VIPR1: variants seen among roughly 807,000 people sequenced by gnomAD.
VIPR1 encodes vasoactive intestinal polypeptide receptor 1.
VIPR1 carries 59 observed loss-of-function variants against 58.8 expected under a neutral mutation model. The ratio of observed to expected loss-of-function variants is 1.00; its 90% confidence interval spans 0.81 to 1.25. The LOEUF (loss-of-function observed/expected upper bound fraction) is 1.25, where lower values mean the gene tolerates loss of function less well. Ranked by LOEUF, VIPR1 falls within the 50% of genes most tolerant of loss-of-function variation. The pLI is 0.00. For synonymous variants in VIPR1, 251 were observed against 242.1 expected (o/e 1.04, Z -0.34); for missense variants, 626 against 602.7 (o/e 1.04, Z -0.40).
At chr3:42,520,057 A>G (rs1166539218) in intron 3 of VIPR1, among the ~76,000 whole-genome samples, 2 of 152,216 alleles carry the variant, frequency 1.3e-5, no homozygotes, top group African/African-American at 4.8e-5. Context: ...GAGGTTCACA[A>G]ACAGCCCCTC....
At chr3:42,506,858 A>G (rs1252329010) in intron 1 of VIPR1, 1 of 151,956 alleles carries the variant, frequency 6.6e-6, no homozygotes, top group African/African-American at 2.4e-5. Context: ...GAAGAAAAAA[A>G]CAGTTTAATC....
chr3:42,531,638 C>T, intron 8 of VIPR1, 107 bp downstream of exon 8: 6 of 1,566,662 alleles, frequency 3.8e-6, no homozygotes, highest in Non-Finnish European at 8.7e-7. Flanking sequence ...AACCACAGCT[C>T]TCGGGCCAGA....
chr3:42,502,242 G>T (rs1159707185), upstream of VIPR1: 2 of 152,876 alleles, frequency 1.3e-5, no homozygotes, highest in African/African-American at 4.8e-5. Context: ...GGGAAATGGG[G>T]AGGCTGGCGG....
rs1701584070 is a variant in VIPR1, at chr3:42,531,993, T to C, written c.918+124T>C. On this transcript the variant is annotated intron_variant, in intron 9 of 12. Transcript: ENST00000325123. The stretch of plus-strand genomic sequence containing the variant: ...TGAAACGTAGCTTCCTAATGCCCAA[T>C]GCAGGATCATCCCCACCCCTGTCCT... The C allele has an allele frequency of 3.5e-6, 4 of 1,140,376 alleles. No homozygotes were observed. In the East Asian group the frequency reaches 7.6e-5, roughly 22 times the overall value. The allele number at this position is 1,140,376 out of a possible 1,614,324, so 70.6% of individuals were successfully genotyped here. A position where few individuals can be genotyped will look rare whatever the true frequency, so the allele number is the denominator to read the frequency against.
Position 42,536,098 on chromosome 3 carries a change from G to A in VIPR1, c.1191G>A (p.Ala397=), listed in dbSNP as rs1170297081. 6 of 1,601,030 alleles carry A rather than the reference G, an allele frequency of 3.7e-6. No individual in the cohort carries two copies. In the Admixed American group the frequency reaches 6.8e-5, roughly 18 times the overall value. The change falls in exon 13 of 13, where the codon GCG becomes GCA. Residue 397 remains alanine (A), a synonymous_variant. Transcript: ENST00000325123. ...LYCFLNGEVQ[A]ELRRKWRRWH... ...ACCTTCCCCTCTCCTAGGTGCAGGC[G>A]GAGCTGAGGCGGAAGTGGCGGCGCT...
intron 3 of VIPR1, chr3:42,519,622 C>T (rs973284359): frequency 3.8e-6 from 1 of 263,336 alleles, no homozygotes; most frequent in Non-Finnish European, 7.1e-6. Flanking sequence ...GTCCTGTTGT[C>T]TTGGGCTGGT....
intron 2 of VIPR1, among the ~76,000 whole-genome samples, chr3:42,517,796 C>T (rs559862681): frequency 1.3e-5 from 2 of 152,052 alleles, no homozygotes; most frequent in South Asian, 4.2e-4. Context: ...GCCAACATGG[C>T]GAAACCCCGT....
Position 42,513,735 on chromosome 3 carries a change from G to A in VIPR1, c.79-14G>A. 6.4e-7 allele frequency: 1 copy of A among 1,551,154 alleles called. No homozygotes were observed. The highest frequency in any genetic ancestry group is 8.7e-7 in the Non-Finnish European group (1 of 1,146,772). On this transcript the variant is annotated splice_polypyrimidine_tract_variant and intron_variant, in intron 1 of 12. Coordinates refer to ENST00000325123, the MANE Select transcript of VIPR1 (RefSeq NM_004624.4). ...TGGACGAGGCTGATGGGCCCTCCCTGTCTTTGTTCTCAGGGCGGCCAGGCG... is the reference window on the plus strand; with the variant it reads ...TGGACGAGGCTGATGGGCCCTCCCTATCTTTGTTCTCAGGGCGGCCAGGCG...
chr3:42,519,610 T>C, intron 3 of VIPR1: 2 of 309,900 alleles, frequency 6.5e-6, no homozygotes, highest in African/African-American at 2.2e-5. Context: ...ATGACTCCCA[T>C]AGTCCTGTTG....
chr3:42,502,788 C>T lies in VIPR1; in HGVS notation c.53C>T (p.Ala18Val). Reference sequence around the variant, plus strand: ...CGCTGGCTATGCGTGCTGGCAGGCGCCCTCGCCTGGGCCCTTGGGCCGGCG... The same window carrying T: ...CGCTGGCTATGCGTGCTGGCAGGCGTCCTCGCCTGGGCCCTTGGGCCGGCG... ...PARWLCVLAG[A>V]LAWALGPAGG... is the part of the protein sequence containing the mutation. The change falls in exon 1 of 13, where the codon GCC (alanine) becomes GTC (valine). Residue 18 changes from alanine (A) to valine (V), a missense_variant. Coordinates refer to ENST00000325123, the MANE Select transcript of VIPR1 (RefSeq NM_004624.4). 1 of 1,283,746 alleles carries T rather than the reference C, an allele frequency of 7.8e-7. No individual in the cohort carries two copies. The highest frequency in any genetic ancestry group is 9.8e-7 in the Non-Finnish European group (1 of 1,017,330). 79.5% of individuals were successfully genotyped at this position (1,283,746 alleles called of 1,614,324 possible).
chr3:42,495,661 ACT>A (rs2125624398), intron 1 of VIPR1, among the ~76,000 whole-genome samples: 1 of 151,754 alleles, frequency 6.6e-6, no homozygotes, highest in South Asian at 2.1e-4. Context: ...TGCAGCAGAT[ACT>A]CTCTTGCTGG....
At chr3:42,535,176 T>C in intron 11 of VIPR1, 72 bp downstream of exon 11, 1 of 1,608,686 alleles carries the variant, frequency 6.2e-7, no homozygotes, top group Non-Finnish European at 8.5e-7. Flanking sequence ...TCTTGGCCCT[T>C]GCCACTGGAT....
chr3:42,518,375 C>T (rs1465424997), intron 2 of VIPR1, among the ~76,000 whole-genome samples: 1 of 152,178 alleles, frequency 6.6e-6, no homozygotes, highest in Non-Finnish European at 1.5e-5. Flanking sequence ...AAACAAAATA[C>T]AATCTTCCCT....
At chr3:42,495,239 A>G (rs906615003) in intron 1 of VIPR1, among the ~76,000 whole-genome samples, 5 of 152,120 alleles carry the variant, frequency 3.3e-5, no homozygotes, top group African/African-American at 4.8e-5. Context: ...CTCCTGCCTC[A>G]GCCTCCCAAG....
rs980183089 is a variant in VIPR1, at chr3:42,531,029, G to A, written c.790+97G>A. ...GTGCCAACCCAGCTTGCAGTCCTAC[G>A]TCTTGCTTAGCTGCAGGTCCTGCCT... On this transcript the variant is annotated intron_variant, in intron 7 of 12. Coordinates refer to ENST00000325123, the MANE Select transcript of VIPR1 (RefSeq NM_004624.4). The A allele has an allele frequency of 8.0e-5, 117 of 1,471,344 alleles. 1 individual carries two copies. Among genetic ancestry groups the A allele is most frequent in the Admixed American group, 2.2e-4 (11 of 49,394 alleles). 91.1% of individuals were successfully genotyped at this position (1,471,344 alleles called of 1,614,324 possible).
chr3:42,495,890 T>C (rs1228678228), intron 1 of VIPR1, among the ~76,000 whole-genome samples: 3 of 151,862 alleles, frequency 2.0e-5, no homozygotes, highest in Admixed American at 1.3e-4. Flanking sequence ...AAGAAGACCC[T>C]GAGCTTCATA....
Position 42,536,568 on chromosome 3 carries a change from G to A in VIPR1, c.*287G>A. ...CCAAAGGCCCCCTACGCCAATCAAG[G>A]GCAAAAAGTCTACATACTTTCATCC... On this transcript the variant is annotated 3_prime_UTR_variant, in exon 13 of 13. Coordinates refer to ENST00000325123, the MANE Select transcript of VIPR1 (RefSeq NM_004624.4). 1.4e-5 allele frequency: 5 copies of A among 359,442 alleles called. No individual in the cohort carries two copies. The South Asian group carries it at 2.4e-4, about 17-fold the overall frequency. The allele number at this position is 359,442 out of a possible 1,614,324, so 22.3% of individuals were successfully genotyped here.
chr3:42,507,341 G>T (rs745712762), intron 1 of VIPR1: 1 of 152,258 alleles, frequency 6.6e-6, no homozygotes, highest in Non-Finnish European at 1.5e-5. Context: ...CCTCAGGCTA[G>T]CCTCCACTGG....
intron 2 of VIPR1, among the ~76,000 whole-genome samples, chr3:42,517,304 C>T (rs1468316559): frequency 1.3e-5 from 2 of 152,258 alleles, no homozygotes; most frequent in African/African-American, 4.8e-5. Context: ...TGTGAACCTT[C>T]GGACCTGAGC....
Sources: allele counts gnomAD v4.1 joint callset (sites outside exome capture counted in the v4.1 genomes callset), GRCh38; gene constraint gnomAD v4.1.1; transcripts MANE v1.5; gene names NCBI Gene and HGNC (gene_info 2026-07-23, HGNC 2026-07-21).